ANK3: variants seen among roughly 807,000 people sequenced by gnomAD.
ANK3 encodes the protein ankyrin 3, also known as ankyrin-3.
ANK3 carries 57 observed loss-of-function variants against 370.9 expected under a neutral mutation model. That is an observed-to-expected ratio of 0.15 (90% CI 0.12 to 0.19). The LOEUF (loss-of-function observed/expected upper bound fraction) is 0.19. ANK3 is among the 10% of genes least tolerant of loss of function. ANK3 has a pLI of 1.00. For missense variants in ANK3, 4,439 were observed against 5,302.1 expected (o/e 0.84, Z 5.06); for synonymous variants, 1,929 against 1,946.3 (o/e 0.99, Z 0.23).
intron 1 of ANK3, among the ~76,000 whole-genome samples, chr10:60,645,524 G>A (rs1464511556): frequency 6.6e-6 from 1 of 152,022 alleles, no homozygotes; most frequent in Non-Finnish European, 1.5e-5. Context: ...TCAGGAGTTC[G>A]AGACTAGCCT....
chr10:60,595,902 A>G (rs562167086), intron 2 of ANK3, among the ~76,000 whole-genome samples: 1 of 152,252 alleles, frequency 6.6e-6, no homozygotes, highest in South Asian at 2.1e-4. Context: ...AGGTAGTTTC[A>G]TTTTCCCCAG....
chr10:60,702,356 A>G (rs1451080207), intron 1 of ANK3, among the ~76,000 whole-genome samples: 3 of 152,168 alleles, frequency 2.0e-5, no homozygotes, highest in Non-Finnish European at 4.4e-5. Context: ...TTTGTACTCT[A>G]TATCCTAAGT....
intron 23 of ANK3, chr10:60,140,847 A>C (rs1033925587): frequency 6.1e-6 from 6 of 990,720 alleles, no homozygotes; most frequent in Non-Finnish European, 7.2e-6. Context: ...GACAGCCTTC[A>C]TGTAGGGAGA....
In ANK3 at chr10:60,572,815, C is replaced by T. The variant is rs910458086; in HGVS notation, c.96+42371G>A. The T allele has an allele frequency of 1.2e-5, 14 of 1,174,328 alleles. No homozygotes were observed. In the African/African-American group the frequency reaches 1.6e-4, roughly 13 times the overall value. 72.7% of individuals were successfully genotyped at this position (1,174,328 alleles called of 1,614,324 possible). The stretch of plus-strand genomic sequence containing the variant: ...TTTTAGCCTTTCATTTTTAACTAAT[C>T]GTTACCCTGAGATAAGGTCCTGACA... On this transcript the variant is annotated intron_variant, in intron 2 of 43. Transcript: ENST00000373827.
chr10:60,707,908 A>G (rs1054988630), intron 1 of ANK3, among the ~76,000 whole-genome samples: 3 of 152,192 alleles, frequency 2.0e-5, no homozygotes, highest in African/African-American at 7.2e-5. Flanking sequence ...TTCAACAAAA[A>G]GGAAAAAAAG....
intron 2 of ANK3, among the ~76,000 whole-genome samples, chr10:60,582,843 G>A (rs995515319): frequency 1.1e-4 from 16 of 152,036 alleles, no homozygotes; most frequent in African/African-American, 3.9e-4. Flanking sequence ...TCCAGTCACA[G>A]TGGCTACTAT....
intron 1 of ANK3, among the ~76,000 whole-genome samples, chr10:60,717,798 C>A (rs2079810914): frequency 6.6e-6 from 1 of 152,140 alleles, no homozygotes; most frequent in African/African-American, 2.4e-5. Flanking sequence ...GAGATTGACA[C>A]CAAATTGGTG....
At chr10:60,543,999 A>G (rs564351375) in intron 2 of ANK3, among the ~76,000 whole-genome samples, 1 of 152,064 alleles carries the variant, frequency 6.6e-6, no homozygotes, top group Admixed American at 6.6e-5. Context: ...TAAACTCCTC[A>G]AGGGGAAAGA....
rs1371874092 is a variant in ANK3, at chr10:60,064,295, AAAAG to A, written c.12320-11_12320-8del. 6 of 1,561,372 alleles carry A rather than the reference AAAAG, an allele frequency of 3.8e-6. No homozygotes were observed. Among genetic ancestry groups the A allele is most frequent in the Non-Finnish European group, 5.2e-6 (6 of 1,164,654 alleles). ...TTCAGTTCCCTTGCCAGTTCTGTAG[AAAAG>A]AAAGAGAGTTACTAAGATTGCATAT... On this transcript the variant is annotated splice_polypyrimidine_tract_variant and splice_region_variant and intron_variant, in intron 38 of 43. Coordinates refer to ENST00000280772, the MANE Select transcript of ANK3 (RefSeq NM_020987.5).
chr10:60,563,474 T>C (rs527924308), intron 2 of ANK3, among the ~76,000 whole-genome samples: 15 of 152,318 alleles, frequency 9.8e-5, no homozygotes, highest in African/African-American at 3.1e-4. Context: ...TAGAAAGGTA[T>C]GTATAAATAT....
intron 1 of ANK3, among the ~76,000 whole-genome samples, chr10:60,369,302 G>C (rs2059805725): frequency 6.6e-6 from 1 of 152,166 alleles, no homozygotes; most frequent in African/African-American, 2.4e-5. Flanking sequence ...ACCATAAACA[G>C]TTTATTGTTA....
At chr10:60,138,743 A>G in intron 24 of ANK3, 1 of 597,926 alleles carries the variant, frequency 1.7e-6, no homozygotes, top group South Asian at 2.5e-5. Flanking sequence ...GAAAAAAAAA[A>G]AGAACACACA....
At chr10:60,718,551 T>G (rs1419769579) in intron 1 of ANK3, among the ~76,000 whole-genome samples, 1 of 152,130 alleles carries the variant, frequency 6.6e-6, no homozygotes, top group Non-Finnish European at 1.5e-5. Flanking sequence ...ATTCTTAATT[T>G]TACTCTATAA....
intron 21 of ANK3, among the ~76,000 whole-genome samples, chr10:60,171,286 T>C (rs924167129): frequency 2.0e-5 from 3 of 152,228 alleles, no homozygotes; most frequent in Non-Finnish European, 4.4e-5. Flanking sequence ...AAAATTTTTC[T>C]CCCGTAATCA....
chr10:60,257,332 A>T (rs1454213941), intron 7 of ANK3, among the ~76,000 whole-genome samples: 2 of 152,176 alleles, frequency 1.3e-5, no homozygotes, highest in East Asian at 3.9e-4. Context: ...TCTGTGCCAT[A>T]CATGCCAAGT....
intron 8 of ANK3, among the ~76,000 whole-genome samples, chr10:60,229,801 C>T (rs1453512129): frequency 6.6e-6 from 1 of 152,144 alleles, no homozygotes; most frequent in Non-Finnish European, 1.5e-5. Flanking sequence ...ATTCAGCAAA[C>T]ACTTATTAGG....
intron 25 of ANK3, among the ~76,000 whole-genome samples, chr10:60,119,836 G>A (rs891464997): frequency 6.6e-6 from 1 of 151,968 alleles, no homozygotes; most frequent in Admixed American, 6.6e-5. Flanking sequence ...TCATGGATTG[G>A]GGGAATCAAT....
chr10:60,672,170 A>C (rs1589005130), intron 1 of ANK3, among the ~76,000 whole-genome samples: 2 of 152,218 alleles, frequency 1.3e-5, no homozygotes, highest in Admixed American at 1.3e-4. Context: ...AGAGCTCCTA[A>C]AACCCTTGTA....
intron 2 of ANK3, among the ~76,000 whole-genome samples, chr10:60,410,064 T>C (rs1035716377): frequency 3.3e-5 from 5 of 152,114 alleles, no homozygotes; most frequent in African/African-American, 9.7e-5. Flanking sequence ...AGCTCAAGTA[T>C]TGAATTTTGA....
Sources: allele counts gnomAD v4.1 joint callset (sites outside exome capture counted in the v4.1 genomes callset), GRCh38; gene constraint gnomAD v4.1.1; transcripts MANE v1.5; gene names NCBI Gene and HGNC (gene_info 2026-07-23, HGNC 2026-07-21).